The following TOLLIP variants were observed in gnomAD, a reference collection of about 807,000 sequenced individuals.
The protein encoded by TOLLIP is toll-interacting protein.
Under a neutral mutation model 33.5 loss-of-function variants are expected in TOLLIP, and 16 were observed. The ratio of observed to expected loss-of-function variants is 0.48; its 90% CI spans 0.32 to 0.72. TOLLIP has a LOEUF of 0.72. Ranked by LOEUF, TOLLIP falls within the 30% of genes least tolerant of loss-of-function variation. The probability of loss-of-function intolerance (pLI) is 0.03; values close to 1 mark genes in which losing one functional copy is unlikely to be tolerated. For missense variants in TOLLIP, 325 were observed against 396.6 expected (o/e 0.82, Z 1.53); for synonymous variants, 176 against 163.7 (o/e 1.07, Z -0.57).
chr11:1,278,412 ATCC>A lies in TOLLIP; in HGVS notation c.611-1162_611-1160del, dbSNP rs1863381618. ...TTTTGTTCCTTTCTACACTTGGAGGATCCTAAAGGCAGCAGAAGCCACTTCAAT... is the reference window on the plus strand; with the variant it reads ...TTTTGTTCCTTTCTACACTTGGAGGATAAAGGCAGCAGAAGCCACTTCAAT... On this transcript the variant is annotated intron_variant, in intron 5 of 5. Coordinates refer to ENST00000317204, the MANE Select transcript of TOLLIP (RefSeq NM_019009.4). The surrounding 1 kb of genome is among the most constrained non-coding windows in gnomAD (Gnocchi z 4.7). Among the ~76,000 whole-genome samples the A allele has an allele frequency of 1.3e-5, 2 of 152,166 alleles. No homozygotes were observed. The highest frequency in any genetic ancestry group is 1.3e-4 in the Admixed American group (2 of 15,282).
Position 1,276,733 on chromosome 11 carries a change from GCT to G in TOLLIP, c.*304_*305del, listed in dbSNP as rs1442212862. 1.4e-6 allele frequency: 2 copies of G among 1,456,586 alleles called. No homozygotes were observed. The highest frequency in any genetic ancestry group is 2.8e-5 in the African/African-American group (2 of 71,460). The allele number at this position is 1,456,586 out of a possible 1,614,324, so 90.2% of individuals were successfully genotyped here. On this transcript the variant is annotated 3_prime_UTR_variant, in exon 6 of 6. Transcript: ENST00000317204. ...CTCCAACACCCTGGCAGAAGCAGCT[GCT>G]CTCTACAGCAAGAGCATTTTCCAGA...
At chr11:1,296,055 C>T (rs1864104807) in intron 1 of TOLLIP, among the ~76,000 whole-genome samples, 1 of 152,232 alleles carries the variant, frequency 6.6e-6, no homozygotes, top group Non-Finnish European at 1.5e-5. Context: ...AAATGGGTTC[C>T]TGTCCTCAAA....
intron 2 of TOLLIP, among the ~76,000 whole-genome samples, chr11:1,295,169 G>A (rs541203929): frequency 4.7e-4 from 72 of 152,302 alleles, no homozygotes; most frequent in African/African-American, 1.6e-3. Flanking sequence ...TCAATCTGCC[G>A]ATTTTGGCTT....
rs535049794 is a variant in TOLLIP, at chr11:1,297,494, G to C, written c.34-1700C>G. Among the ~76,000 whole-genome samples the C allele has an allele frequency of 1.8e-4, 27 of 152,374 alleles. No individual in the cohort carries two copies. In the East Asian group the frequency reaches 4.8e-3, roughly 27 times the overall value. ...CCCCAAGTTCGGGAAGCTCTCTGCA[G>C]GCTGCACCCCAACCTGAGCAGCCAG... On this transcript the variant is annotated intron_variant, in intron 1 of 5. Transcript: ENST00000317204.
chr11:1,307,711 A>C (rs1026885196), intron 1 of TOLLIP, among the ~76,000 whole-genome samples: 2 of 152,186 alleles, frequency 1.3e-5, no homozygotes, highest in Admixed American at 6.5e-5. Flanking sequence ...CTGCCACGGC[A>C]ACTTGCGGGG....
chr11:1,308,936 G>C (rs1320303478), intron 1 of TOLLIP, among the ~76,000 whole-genome samples: 1 of 145,216 alleles, frequency 6.9e-6, no homozygotes, highest in African/African-American at 2.6e-5. Context: ...ATCAGGGTGC[G>C]GGACCCGCCT....
intron 1 of TOLLIP, among the ~76,000 whole-genome samples, chr11:1,299,970 A>G (rs1401939724): frequency 6.6e-6 from 1 of 152,250 alleles, no homozygotes; most frequent in African/African-American, 2.4e-5. Context: ...GGGAGCCATA[A>G]GGAGGCCTCT....
In TOLLIP at chr11:1,290,232, C is replaced by G. The variant is rs777772934; in HGVS notation, c.361G>C (p.Asp121His). The change falls in exon 3 of 6, where the codon GAT (aspartate) becomes CAT (histidine). Residue 121 changes from aspartate to histidine, a missense_variant. By Grantham distance (81) the Asp-to-His change is moderately conservative (BLOSUM62 -1). Coordinates refer to ENST00000317204, the MANE Select transcript of TOLLIP (RefSeq NM_019009.4). The surrounding 1 kb of genome is among the most constrained non-coding windows in gnomAD (Gnocchi z 4.9). ...GVDSFYLEIFDERAFSMDDRI... is the reference protein window; with the variant it reads ...GVDSFYLEIFHERAFSMDDRI... ...AGCTGGCACGTCCCTCTCACCTCATCGAAGATCTCGAGATAGAAAGAGTCC... is the reference window on the plus strand; with the variant it reads ...AGCTGGCACGTCCCTCTCACCTCATGGAAGATCTCGAGATAGAAAGAGTCC... 2.7e-5 allele frequency: 44 copies of G among 1,612,810 alleles called. No homozygotes were observed. The highest frequency in any genetic ancestry group is 3.3e-5 in the Non-Finnish European group (39 of 1,179,750).
Position 1,299,295 on chromosome 11 carries a change from G to A in TOLLIP, c.34-3501C>T, listed in dbSNP as rs567379820. Among the ~76,000 whole-genome samples the A allele has an allele frequency of 8.5e-5, 13 of 152,296 alleles. No individual in the cohort carries two copies. The East Asian group carries it at 2.1e-3, about 25-fold the overall frequency. On this transcript the variant is annotated intron_variant, in intron 1 of 5. Transcript: ENST00000317204. ...ACAAATACTGGTTACGCAACCTGCT[G>A]CCCCGCCTACCAGGGAGAGGCGGCT...
Position 1,280,678 on chromosome 11 carries a change from C to T in TOLLIP, c.611-3425G>A, listed in dbSNP as rs3793963. On this transcript the variant is annotated intron_variant, in intron 5 of 5. Transcript: ENST00000317204. Reference sequence around the variant, plus strand: ...CGGGCCAGGCTGGGGAGGCGCCGGACGCCCCACTTTCCAGGCCGATTCTCC... The same window carrying T: ...CGGGCCAGGCTGGGGAGGCGCCGGATGCCCCACTTTCCAGGCCGATTCTCC... 0.022 allele frequency among the ~76,000 whole-genome samples: 3,418 copies of T among 152,074 alleles called. 294 individuals are homozygous for T. The East Asian group carries it at 0.26, about 12-fold the overall frequency.
chr11:1,290,328 G>T lies in TOLLIP; in HGVS notation c.265C>A (p.Pro89Thr). The change falls in exon 3 of 6, where the codon CCC becomes ACC. Residue 89 changes from proline (P) to threonine (T), a missense_variant. Physicochemically the swap from Pro to Thr is conservative, Grantham distance 38 (BLOSUM62 -1). Coordinates refer to ENST00000317204, the MANE Select transcript of TOLLIP (RefSeq NM_019009.4). This position sits in a 1 kb window ranked among gnomAD's most constrained non-coding sequence, Gnocchi z 4.9. Reference protein sequence around the residue: ...LRLGYAVYETPTAHNGAKNPR... With the variant: ...LRLGYAVYETTTAHNGAKNPR... ...TTCTTGGCGCCATTGTGTGCCGTGGGCGTCTCGTACACCGCGTAGCCCAGG... is the reference window on the plus strand; with the variant it reads ...TTCTTGGCGCCATTGTGTGCCGTGGTCGTCTCGTACACCGCGTAGCCCAGG... The T allele has an allele frequency of 1.2e-6, 2 of 1,613,640 alleles. No individual in the cohort carries two copies. Among genetic ancestry groups the T allele is most frequent in the Non-Finnish European group, 1.7e-6 (2 of 1,179,992 alleles).
At chr11:1,283,746 A>T (rs1029981704) in intron 5 of TOLLIP, 12 of 373,128 alleles carry the variant, frequency 3.2e-5, no homozygotes, top group Non-Finnish European at 4.2e-5. Flanking sequence ...ATGCTCTTTC[A>T]GCCAGATACA....
chr11:1,287,605 CCCTCCCCGCCGCAGCCTCCCCGCCGCAG>C (rs1863772728), intron 4 of TOLLIP, among the ~76,000 whole-genome samples: 4 of 4,310 alleles, frequency 9.3e-4, no homozygotes, highest in Non-Finnish European at 1.9e-3. Context: ...CCCCGCCGCA[CCCTCCCCGCCGCAGCCTCCCCGCCGCAG>C]CCTCCCCGCC....
Position 1,286,080 on chromosome 11 carries a change from C to T in TOLLIP, c.532G>A (p.Ala178Thr), listed in dbSNP as rs1564968255. The change falls in exon 5 of 6, where the codon GCC (alanine) becomes ACC (threonine). Residue 178 changes from alanine to threonine, a missense_variant. Coordinates refer to ENST00000317204, the MANE Select transcript of TOLLIP (RefSeq NM_019009.4). Reference protein sequence around the residue: ...LVMSYALLPAAMVMPPQPVVL... With the variant: ...LVMSYALLPATMVMPPQPVVL... ...ACGGGCTGGGGTGGCATCACCATGG[C>T]AGCTGGAAGCAGCTGAAACACAGCG... 6.3e-7 allele frequency: 1 copy of T among 1,595,294 alleles called. No homozygotes were observed. Among genetic ancestry groups the T allele is most frequent in the Non-Finnish European group, 8.5e-7 (1 of 1,172,274 alleles).
At position 1,276,660 on chromosome 11, in the gene TOLLIP, C is replaced by T. The variant is rs1013108859; in HGVS notation, c.*379G>A. On this transcript the variant is annotated 3_prime_UTR_variant, in exon 6 of 6. Transcript: ENST00000317204. ...TAAATCAACAGCTCTATTCCAATTA[C>T]ATCACATCACAAAATGCCATGAATG... 9 of 1,336,530 alleles carry T rather than the reference C, an allele frequency of 6.7e-6. No individual in the cohort carries two copies. The African/African-American group carries it at 7.4e-5, about 11-fold the overall frequency. The allele number at this position is 1,336,530 out of a possible 1,614,324, so 82.8% of individuals were successfully genotyped here.
chr11:1,283,575 G>A, intron 5 of TOLLIP: 1 of 456,058 alleles, frequency 2.2e-6, no homozygotes, highest in Non-Finnish European at 4.4e-6. Flanking sequence ...TGAAGTGCGG[G>A]GCTGTTCCAA....
chr11:1,277,010 G>A lies in TOLLIP; in HGVS notation c.*29C>T, dbSNP rs200578328. The stretch of plus-strand genomic sequence containing the variant: ...CGCCGGGTCGGCGTGTCCAAAGAGC[G>A]GGGGCAAAACGGCATCGAGGCAGAG... On this transcript the variant is annotated 3_prime_UTR_variant, in exon 6 of 6. Transcript: ENST00000317204. The surrounding 1 kb of genome is among the most constrained non-coding windows in gnomAD (Gnocchi z 4.2). 790 of 1,605,650 alleles carry A rather than the reference G, an allele frequency of 4.9e-4. No homozygotes were observed. Among genetic ancestry groups the A allele is most frequent in the Non-Finnish European group, 6.2e-4 (724 of 1,173,694 alleles).
chr11:1,299,480 T>C (rs1185555326), intron 1 of TOLLIP, among the ~76,000 whole-genome samples: 7 of 152,174 alleles, frequency 4.6e-5, no homozygotes, highest in African/African-American at 1.7e-4. Context: ...CTTCAGTAAA[T>C]GTCTATTTTG....
intron 1 of TOLLIP, among the ~76,000 whole-genome samples, chr11:1,306,920 A>T (rs1239909147): frequency 6.7e-6 from 1 of 150,368 alleles, no homozygotes; most frequent in Non-Finnish European, 1.5e-5. Context: ...CCTCCGAGAG[A>T]TGTCACGTCC....
Sources: allele counts gnomAD v4.1 joint callset (sites outside exome capture counted in the v4.1 genomes callset), GRCh38; gene constraint gnomAD v4.1.1; non-coding constraint Gnocchi (gnomAD v3.1); transcripts MANE v1.5; gene names NCBI Gene and HGNC (gene_info 2026-07-23, HGNC 2026-07-21).